SORCS1: variants seen among roughly 807,000 people sequenced by gnomAD.
The protein encoded by SORCS1 is VPS10 domain-containing receptor SorCS1.
In SORCS1, 60 loss-of-function variants were observed where a neutral mutation model predicts 146.1. That is an observed-to-expected ratio of 0.41 (90% CI 0.33 to 0.51). The LOEUF is 0.51. Ranked by LOEUF, SORCS1 falls within the 20% of genes least tolerant of loss-of-function variation. The pLI, the probability that SORCS1 is intolerant of heterozygous loss-of-function variation, is 0.21. For missense variants in SORCS1, 1,352 were observed against 1,487.6 expected, an observed-to-expected ratio of 0.91 and a Z score of 1.50; for synonymous variants, 637 against 584.0, an observed-to-expected ratio of 1.09 and a Z score of -1.31.
intron 1 of SORCS1, among the ~76,000 whole-genome samples, chr10:107,038,651 A>C (rs2133975538): frequency 6.6e-6 from 1 of 151,126 alleles, no homozygotes; most frequent in African/African-American, 2.4e-5. Flanking sequence ...AAATGGGGAT[A>C]AAGAGGAAAG....
chr10:106,590,041 T>A (rs7092874), intron 24 of SORCS1, among the ~76,000 whole-genome samples: 12,597 of 152,140 alleles, frequency 0.083, 1,112 homozygotes, highest in African/African-American at 0.23. Flanking sequence ...CTTTGCTCAT[T>A]ATTTTACCCT....
At chr10:106,887,210 A>C (rs911429987) in intron 2 of SORCS1, among the ~76,000 whole-genome samples, 14 of 152,228 alleles carry the variant, frequency 9.2e-5, no homozygotes, top group African/African-American at 3.4e-4. Context: ...ACATTCAACA[A>C]ATTGTTAAAA....
At chr10:106,793,270 G>A (rs1249406844) in intron 3 of SORCS1, among the ~76,000 whole-genome samples, 1 of 152,196 alleles carries the variant, frequency 6.6e-6, no homozygotes, top group Non-Finnish European at 1.5e-5. Flanking sequence ...AACAGAATAA[G>A]TAGGAAAGAT....
At position 106,679,332 on chromosome 10, in the gene SORCS1, C is replaced by T. The variant is rs1038886641; in HGVS notation, c.1664G>A (p.Gly555Asp). Residue 555 changes from glycine (G) to aspartate (D), a missense_variant and splice_region_variant, in exon 12 of 26, where the codon GGT becomes GAT. By Grantham distance (94) the Gly-to-Asp change is moderately conservative (BLOSUM62 -1). Around this residue, in one of 3 missense-constraint regions of SORCS1, gnomAD observed 648 missense variants for 793.8 expected, o/e 0.82. Coordinates refer to ENST00000263054, the MANE Select transcript of SORCS1 (RefSeq NM_052918.5). Reference sequence around the variant, plus strand: ...GTCTGACAATTCAGAACCTATATTACCTAGAAAGAGAAAGGTGCCATTAGT... The same window carrying T: ...GTCTGACAATTCAGAACCTATATTATCTAGAAAGAGAAAGGTGCCATTAGT... ...DTAPSIIVASGNIGSELSDTD... is the reference protein window; with the variant it reads ...DTAPSIIVASDNIGSELSDTD... The T allele has an allele frequency of 6.2e-7, 1 of 1,610,708 alleles. No individual in the cohort carries two copies. The highest frequency in any genetic ancestry group is 1.7e-5 in the Admixed American group (1 of 59,536).
At chr10:106,928,741 G>A (rs1054454336) in intron 2 of SORCS1, among the ~76,000 whole-genome samples, 8 of 152,076 alleles carry the variant, frequency 5.3e-5, no homozygotes, top group East Asian at 3.9e-4. Context: ...CTATTCTCCC[G>A]GGAAGGGAGA....
chr10:106,722,148 C>CACACACACATATAT (rs1468918173), intron 6 of SORCS1, among the ~76,000 whole-genome samples: 8 of 148,558 alleles, frequency 5.4e-5, no homozygotes, highest in Non-Finnish European at 1.2e-4. Context: ...CACACACACA[C>CACACACACATATAT]ATATATATAT....
chr10:107,029,071 CTT>C (rs1458539017), intron 1 of SORCS1, among the ~76,000 whole-genome samples: 3 of 152,192 alleles, frequency 2.0e-5, no homozygotes, highest in Admixed American at 6.5e-5. Flanking sequence ...ATTTTCTTAA[CTT>C]TGCTTTAGTG....
intron 2 of SORCS1, among the ~76,000 whole-genome samples, chr10:106,918,798 C>T (rs1286299654): frequency 6.6e-6 from 1 of 152,056 alleles, no homozygotes; most frequent in Non-Finnish European, 1.5e-5. Context: ...TAATAACTTC[C>T]TGTTGTATAA....
At chr10:107,160,695 T>C (rs761241570) in intron 1 of SORCS1, among the ~76,000 whole-genome samples, 6 of 152,138 alleles carry the variant, frequency 3.9e-5, no homozygotes, top group Non-Finnish European at 5.9e-5. Flanking sequence ...TGAATTGAAA[T>C]ACTAAACTTA....
intron 3 of SORCS1, among the ~76,000 whole-genome samples, chr10:106,805,634 C>T (rs1003894638): frequency 3.3e-5 from 5 of 152,134 alleles, no homozygotes; most frequent in African/African-American, 1.2e-4. Flanking sequence ...CACTTGCCAT[C>T]TATAGCTTCC....
chr10:106,712,393 G>T (rs1410907449), intron 6 of SORCS1, among the ~76,000 whole-genome samples: 1 of 152,108 alleles, frequency 6.6e-6, no homozygotes. Context: ...TACCTGGGAG[G>T]CCTGATGGTT....
At chr10:106,604,590 T>A (rs1053960271) in intron 23 of SORCS1, among the ~76,000 whole-genome samples, 8 of 152,206 alleles carry the variant, frequency 5.3e-5, no homozygotes, top group Non-Finnish European at 8.8e-5. Flanking sequence ...CTTGGTACCT[T>A]ACTTTCTTTT....
chr10:106,594,570 T>C (rs1016276671), intron 24 of SORCS1, among the ~76,000 whole-genome samples: 1 of 152,012 alleles, frequency 6.6e-6, no homozygotes, highest in Admixed American at 6.6e-5. Flanking sequence ...AAGAGTGAAA[T>C]GTGAATGGCC....
At chr10:107,021,721 A>ACTC (rs1958155489) in intron 1 of SORCS1, among the ~76,000 whole-genome samples, 1 of 152,010 alleles carries the variant, frequency 6.6e-6, no homozygotes, top group South Asian at 2.1e-4. Context: ...CAATTGATAA[A>ACTC]GTATCTTCCC....
chr10:107,017,688 C>T (rs945774984), intron 1 of SORCS1, among the ~76,000 whole-genome samples: 5 of 152,334 alleles, frequency 3.3e-5, no homozygotes, highest in Admixed American at 1.3e-4. Context: ...CAGCGTCTCA[C>T]TCTGTCACCC....
chr10:106,647,853 C>T (rs886858490), intron 18 of SORCS1, among the ~76,000 whole-genome samples: 7 of 152,160 alleles, frequency 4.6e-5, no homozygotes, highest in African/African-American at 1.4e-4. Context: ...GAGTATATAT[C>T]TACCGTTTTT....
intron 2 of SORCS1, among the ~76,000 whole-genome samples, chr10:106,885,564 TG>T (rs146275118): frequency 0.085 from 12,863 of 152,204 alleles, 1,556 homozygotes; most frequent in African/African-American, 0.27. Flanking sequence ...CAGGGCTATC[TG>T]GAGGACAGTG....
At chr10:106,727,448 G>GGCTCAAATGA (rs1215096873) in intron 6 of SORCS1, among the ~76,000 whole-genome samples, 7 of 152,074 alleles carry the variant, frequency 4.6e-5, no homozygotes, top group African/African-American at 1.7e-4. Context: ...TGAACTCCTG[G>GGCTCAAATGA]GCTCAAATGA....
At chr10:106,983,022 A>T (rs1317381349) in intron 1 of SORCS1, among the ~76,000 whole-genome samples, 4 of 150,046 alleles carry the variant, frequency 2.7e-5, no homozygotes, top group South Asian at 2.1e-4. Flanking sequence ...AAAGGTGCTT[A>T]AAAAAAAAGA....
Sources: gnomAD v4.1 joint callset for allele counts (sites outside exome capture counted in the v4.1 genomes callset) on GRCh38, gnomAD v4.1.1 for gene constraint, gnomAD v4.1.1 regional missense constraint, MANE v1.5 for transcripts, NCBI Gene and HGNC (gene_info 2026-07-23, HGNC 2026-07-21) for gene names.